Variants in NFKBID observed in about 807,000 individuals in gnomAD.
NFKBID encodes NF-kappa-B inhibitor delta.
In NFKBID, 26 loss-of-function variants were observed where a neutral mutation model predicts 53.4. The observed-to-expected ratio is 0.49, with a 90% CI of 0.36 to 0.68. The LOEUF (loss-of-function observed/expected upper bound fraction) is 0.68. NFKBID is among the 30% of genes least tolerant of loss of function. The pLI is 0.00. For missense variants in NFKBID, 493 were observed against 614.1 expected (o/e 0.80, Z 2.08); for synonymous variants, 262 against 259.8 (o/e 1.01, Z -0.08).
intron 11 of NFKBID, among the ~76,000 whole-genome samples, chr19:35,888,909 G>A (rs907686444): frequency 9.2e-5 from 14 of 152,136 alleles, no homozygotes; most frequent in African/African-American, 3.1e-4. Flanking sequence ...AGCCGGGCAT[G>A]GTGGCACGTG....
chr19:35,900,074 G>A (rs1268950944), intron 1 of NFKBID, among the ~76,000 whole-genome samples: 1 of 684 alleles, frequency 1.5e-3, no homozygotes, highest in Non-Finnish European at 3.5e-3. Flanking sequence ...AAGCAACCAC[G>A]CCCCCCCCCC....
At chr19:35,892,700 G>A (rs935569278) in intron 9 of NFKBID, among the ~76,000 whole-genome samples, 3 of 151,912 alleles carry the variant, frequency 2.0e-5, no homozygotes, top group African/African-American at 4.8e-5. Context: ...TGTGAGCCCC[G>A]CATCCAATAT....
At chr19:35,900,276 C>A (rs941872089) in intron 1 of NFKBID, among the ~76,000 whole-genome samples, 166 bp downstream of exon 1, 1 of 151,812 alleles carries the variant, frequency 6.6e-6, no homozygotes, top group African/African-American at 2.4e-5. Context: ...CCCAGCCGCC[C>A]CTCTGTCACG....
chr19:35,901,168 G>C (rs1348674903), upstream of NFKBID, among the ~76,000 whole-genome samples: 1 of 151,878 alleles, frequency 6.6e-6, no homozygotes. Flanking sequence ...CTAAGGGGGT[G>C]CTGGAGGCTT....
At chr19:35,895,956 C>A (rs774106574) in intron 9 of NFKBID, 24 bp downstream of exon 9, 1 of 1,602,974 alleles carries the variant, frequency 6.2e-7, no homozygotes, top group Non-Finnish European at 8.5e-7. Context: ...CTCCCAGGGT[C>A]TGACCGCCCA....
At chr19:35,897,031 G>A (rs746750069) in exon 5 of NFKBID, 48 of 1,604,238 alleles carry the variant, frequency 3.0e-5, no homozygotes, top group Middle Eastern at 1.7e-4. Context: ...GGTCCTGAAG[G>A]GGGTGCAGAA....
intron 4 of NFKBID, chr19:35,897,421 AT>A: frequency 3.4e-6 from 2 of 579,726 alleles, no homozygotes. Flanking sequence ...CACCCAGCTA[AT>A]TTTTTTATTT....
chr19:35,894,800 C>A (rs1975014476), intron 9 of NFKBID, among the ~76,000 whole-genome samples: 3 of 151,976 alleles, frequency 2.0e-5, no homozygotes, highest in African/African-American at 7.3e-5. Context: ...TCGAGACCAG[C>A]CTGACCAACA....
chr19:35,892,996 CT>C (rs926899878), intron 9 of NFKBID, among the ~76,000 whole-genome samples: 14 of 152,198 alleles, frequency 9.2e-5, no homozygotes, highest in South Asian at 4.2e-4. Flanking sequence ...GAGACCCCCC[CT>C]CTCTACAAAA....
intron 1 of NFKBID, among the ~76,000 whole-genome samples, chr19:35,899,925 C>A (rs962950371): frequency 7.2e-5 from 11 of 152,060 alleles, no homozygotes; most frequent in African/African-American, 2.2e-4. Context: ...GTGGAATCCC[C>A]GCGCAAGGGG....
chr19:35,888,341 A>G (rs1243847490), exon 12 of NFKBID: 1 of 551,464 alleles, frequency 1.8e-6, no homozygotes, highest in Non-Finnish European at 3.2e-6. Flanking sequence ...TTTCACAGAA[A>G]TCATCAAGAG....
rs117090070 is a variant in NFKBID, at chr19:35,899,244, C to T, written c.62-422G>A. Among the ~76,000 whole-genome samples the T allele has an allele frequency of 5.6e-3, 848 of 152,216 alleles. 5 individuals carry two copies. The highest frequency in any genetic ancestry group is 0.01 in the Non-Finnish European group (689 of 68,008). ...ACATTTTTTTCCCTAGAACCTGACC[C>T]GGAAATCAGGAGTCCCCAGCGCCCC... On this transcript the variant is annotated intron_variant, in intron 1 of 11. Coordinates refer to ENST00000641389, the Ensembl canonical transcript of NFKBID.
chr19:35,896,496 C>A lies in NFKBID; in HGVS notation c.727G>T (p.Val243Leu). The change falls in exon 7 of 12, where the codon GTG becomes TTG. Residue 243 changes from valine (V) to leucine (L), a missense_variant. This residue lies in a region of NFKBID where 267 missense variants were observed against 384.6 expected (regional missense o/e 0.69). Coordinates refer to ENST00000641389, the Ensembl canonical transcript of NFKBID. This position sits in a 1 kb window ranked among gnomAD's most constrained non-coding sequence, Gnocchi z 5.7. ...GCTCCCAGGTTCAACAGATCCTCCA[C>A]AATCAGGGGCTGGTTGGCAGCAGCC... The A allele has an allele frequency of 6.2e-7, 1 of 1,614,166 alleles. No individual in the cohort carries two copies. The highest frequency in any genetic ancestry group is 8.5e-7 in the Non-Finnish European group (1 of 1,179,998).
intron 11 of NFKBID, among the ~76,000 whole-genome samples, chr19:35,889,045 CAA>C (rs537535858): frequency 4.6e-4 from 49 of 105,582 alleles, no homozygotes; most frequent in Non-Finnish European, 4.5e-4. Context: ...ACTCCGCCTC[CAA>C]AAAAAAAAAA....
In NFKBID at chr19:35,896,073, G is replaced by A. The variant is rs369785338; in HGVS notation, c.939C>T (p.Ser313=). 9.9e-5 allele frequency: 160 copies of A among 1,614,142 alleles called. 1 individual carries two copies. The African/African-American group carries it at 1.3e-3, about 13-fold the overall frequency. ...TGCTCAGCACCCGGGGACAGAGGTC[G>A]GAAGGGCGCATAGCAACGTTAAGGG... Residue 313 remains serine (S), a synonymous_variant, in exon 9 of 12, where the codon TCC becomes TCT. Coordinates refer to ENST00000641389, the Ensembl canonical transcript of NFKBID. This position sits in a 1 kb window ranked among gnomAD's most constrained non-coding sequence, Gnocchi z 5.7.
chr19:35,893,026 G>C (rs115664735), intron 9 of NFKBID, among the ~76,000 whole-genome samples: 1 of 152,084 alleles, frequency 6.6e-6, no homozygotes, highest in East Asian at 1.9e-4. Flanking sequence ...ACAATTAGCC[G>C]GGTGAGGTGG....
intron 9 of NFKBID, 137 bp from the exon 10 acceptor site, chr19:35,890,627 G>C (rs1409223368): frequency 1.3e-6 from 1 of 747,064 alleles, no homozygotes; most frequent in East Asian, 2.5e-5. Flanking sequence ...ACTTTGGGAA[G>C]CTGAAGAAGG....
chr19:35,890,713 A>G, intron 9 of NFKBID: 1 of 566,348 alleles, frequency 1.8e-6, no homozygotes, highest in Non-Finnish European at 3.3e-6. Context: ...AAAATAGAAA[A>G]ATTAGCCAGG....
chr19:35,900,671 G>C, upstream of NFKBID: 3 of 1,226,010 alleles, frequency 2.4e-6, no homozygotes, highest in Admixed American at 4.2e-5. Flanking sequence ...GAATGGGCGC[G>C]GCGGACTTGG....
Sources: gnomAD v4.1 joint callset for allele counts (sites outside exome capture counted in the v4.1 genomes callset) on GRCh38, gnomAD v4.1.1 for gene constraint, gnomAD v4.1.1 regional missense constraint, Gnocchi (gnomAD v3.1) non-coding constraint, MANE v1.5 for transcripts, NCBI Gene and HGNC (gene_info 2026-07-23, HGNC 2026-07-21) for gene names.